Variants in MORN5 observed in about 807,000 individuals in gnomAD.
MORN5 encodes the protein MORN repeat containing 5, also known as MORN repeat-containing protein 5.
MORN5 carries 21 observed loss-of-function variants against 22.1 expected under a neutral mutation model. That is an observed-to-expected ratio of 0.95 (90% CI 0.67 to 1.37). The LOEUF is 1.37. MORN5 is among the 40% of genes most tolerant of loss of function. MORN5 has a pLI of 0.00. For missense variants in MORN5, 211 were observed against 215.1 expected (o/e 0.98, Z 0.12); for synonymous variants, 73 against 74.0 (o/e 0.99, Z 0.07).
At chr9:122,169,596 A>C in intron 2 of MORN5, 49 bp from the exon 3 acceptor site, 1 of 1,388,826 alleles carries the variant, frequency 7.2e-7, no homozygotes, top group African/African-American at 1.4e-5. Flanking sequence ...CCTCTTGGCC[A>C]AAAGCCTTCA....
intron 2 of MORN5, among the ~76,000 whole-genome samples, chr9:122,167,995 C>G (rs1168722772): frequency 2.0e-5 from 3 of 152,134 alleles, no homozygotes; most frequent in Admixed American, 2.0e-4. Flanking sequence ...TACTATTTCC[C>G]TCTCATAGGA....
chr9:122,191,513 C>T (rs548992640), intron 4 of MORN5, among the ~76,000 whole-genome samples: 1 of 152,208 alleles, frequency 6.6e-6, no homozygotes, highest in South Asian at 2.1e-4. Context: ...CACATACACG[C>T]GGAGCTGGGC....
intron 4 of MORN5, among the ~76,000 whole-genome samples, chr9:122,199,174 T>C (rs1438197456): frequency 6.6e-6 from 1 of 152,224 alleles, no homozygotes; most frequent in Non-Finnish European, 1.5e-5. Context: ...GCACAGGCTT[T>C]ATAGCTGGAC....
At chr9:122,192,776 C>G (rs1829799398) in intron 4 of MORN5, among the ~76,000 whole-genome samples, 1 of 152,238 alleles carries the variant, frequency 6.6e-6, no homozygotes, top group Non-Finnish European at 1.5e-5. Flanking sequence ...ACAAAAGGAA[C>G]CAGCAGCTGG....
At chr9:122,192,797 C>A (rs1343174880) in intron 4 of MORN5, among the ~76,000 whole-genome samples, 1 of 152,252 alleles carries the variant, frequency 6.6e-6, no homozygotes, top group Non-Finnish European at 1.5e-5. Context: ...CGGTCTTGGA[C>A]TTGCCCTTGG....
rs1321699338 is a variant in MORN5 at position 122,169,900 on chromosome 9, C to T, written c.307+144C>T. On this transcript the variant is annotated intron_variant, in intron 3 of 4. Transcript: ENST00000373764. ...GTAGAAGAATGCAAAAGAGCCAGGT[C>T]CTGGAGCCAGGAAGGCCAGTCCTCA... is the stretch of plus-strand genomic sequence containing the variant. The T allele has an allele frequency of 6.1e-6, 4 of 652,134 alleles. No homozygotes were observed. The South Asian group carries it at 7.5e-5, about 12-fold the overall frequency. The allele number at this position is 652,134 out of a possible 1,614,324, so 40.4% of individuals were successfully genotyped here. A position where few individuals can be genotyped will look rare whatever the true frequency, so the allele number is the denominator to read the frequency against.
chr9:122,195,351 T>A (rs889357797), intron 4 of MORN5, among the ~76,000 whole-genome samples: 2 of 152,242 alleles, frequency 1.3e-5, no homozygotes. Context: ...ATTGATGTTA[T>A]GATTCACTAA....
chr9:122,173,153 C>T (rs1010860604), intron 3 of MORN5, among the ~76,000 whole-genome samples: 6 of 152,142 alleles, frequency 3.9e-5, no homozygotes, highest in Non-Finnish European at 7.4e-5. Context: ...TGGCTCTCCC[C>T]GAACATGCCT....
intron 1 of MORN5, 32 bp downstream of exon 1, chr9:122,160,051 C>A: frequency 6.3e-7 from 1 of 1,590,340 alleles, no homozygotes. Flanking sequence ...CTTACTATAC[C>A]TTGAATAGCT....
intron 4 of MORN5, among the ~76,000 whole-genome samples, chr9:122,179,793 G>T (rs1829510365): frequency 6.6e-6 from 1 of 152,174 alleles, no homozygotes; most frequent in Non-Finnish European, 1.5e-5. Flanking sequence ...ACTGATTCAG[G>T]CTTCTGTCCC....
chr9:122,190,202 C>T (rs1008392428), intron 4 of MORN5, among the ~76,000 whole-genome samples: 1 of 152,242 alleles, frequency 6.6e-6, no homozygotes, highest in African/African-American at 2.4e-5. Flanking sequence ...TGACTTAGCC[C>T]CATCCCAGGG....
intron 4 of MORN5, among the ~76,000 whole-genome samples, chr9:122,180,362 T>C (rs1309190256): frequency 6.9e-6 from 1 of 145,128 alleles, no homozygotes; most frequent in African/African-American, 2.6e-5. Flanking sequence ...CTTGGCTCAC[T>C]GCAACCTCTG....
chr9:122,180,189 A>G (rs1829515197), intron 4 of MORN5, among the ~76,000 whole-genome samples: 1 of 145,118 alleles, frequency 6.9e-6, no homozygotes, highest in African/African-American at 2.4e-5. Flanking sequence ...GACCCGCAGT[A>G]AGGAATGTTT....
At chr9:122,191,762 G>A (rs371262965) in intron 4 of MORN5, among the ~76,000 whole-genome samples, 9 of 152,230 alleles carry the variant, frequency 5.9e-5, no homozygotes, top group East Asian at 3.8e-4. Context: ...CCCTGGGCTC[G>A]CCTGCCCTGG....
At chr9:122,174,322 T>C (rs1030798123) in intron 3 of MORN5, among the ~76,000 whole-genome samples, 174 bp from the exon 4 acceptor site, 2 of 152,166 alleles carry the variant, frequency 1.3e-5, no homozygotes, top group Non-Finnish European at 2.9e-5. Context: ...TTCAGAAAGT[T>C]CCTTTGGGGC....
chr9:122,168,466 C>T (rs1206425396), intron 2 of MORN5, among the ~76,000 whole-genome samples: 3 of 152,166 alleles, frequency 2.0e-5, no homozygotes, highest in African/African-American at 7.2e-5. Flanking sequence ...TGGGGCCTGA[C>T]TCATGACCTA....
intron 4 of MORN5, among the ~76,000 whole-genome samples, chr9:122,175,975 G>A (rs1217331861): frequency 6.6e-6 from 1 of 152,116 alleles, no homozygotes; most frequent in African/African-American, 2.4e-5. Context: ...TTAGCCGGGT[G>A]CGGTGGCGGG....
chr9:122,195,400 T>C (rs1829866864), intron 4 of MORN5, among the ~76,000 whole-genome samples: 1 of 152,190 alleles, frequency 6.6e-6, no homozygotes. Context: ...CTAATGTCCA[T>C]TTTCTGTTGC....
chr9:122,173,240 C>T (rs988032066), intron 3 of MORN5, among the ~76,000 whole-genome samples: 2 of 152,210 alleles, frequency 1.3e-5, no homozygotes, highest in Non-Finnish European at 2.9e-5. Flanking sequence ...CTTGTCACTC[C>T]ACACTTTGCC....
Sources: gnomAD v4.1 joint callset for allele counts (sites outside exome capture counted in the v4.1 genomes callset) on GRCh38, gnomAD v4.1.1 for gene constraint, MANE v1.5 for transcripts, NCBI Gene and HGNC (gene_info 2026-07-23, HGNC 2026-07-21) for gene names.